The following TSSC4 variants were observed in gnomAD, a reference collection of about 807,000 sequenced individuals.
TSSC4 encodes U5 small nuclear ribonucleoprotein TSSC4.
For synonymous variants in TSSC4, 259 were observed against 197.9 expected (o/e 1.31, Z -2.59); for missense variants, 500 against 443.9 (o/e 1.13, Z -1.14).
Position 2,401,127 on chromosome 11 carries a change from C to T in TSSC4, c.-181+329C>T, listed in dbSNP as rs1477629373. On this transcript the variant is annotated intron_variant, in intron 1 of 2. Coordinates refer to ENST00000333256, the MANE Select transcript of TSSC4 (RefSeq NM_005706.4). ...GAGACGGCTTCCTTCAGCCTACGGA[C>T]ATGAAGGAGTCAACTCTACCTTCCA... 3.3e-5 allele frequency: 5 copies of T among 152,356 alleles called. No homozygotes were observed. The East Asian group carries it at 9.7e-4, about 29-fold the overall frequency. 9.4% of individuals were successfully genotyped at this position (152,356 alleles called of 1,614,324 possible).
At chr11:2,401,244 G>C (rs900547949) in intron 1 of TSSC4, 20 of 152,186 alleles carry the variant, frequency 1.3e-4, no homozygotes, top group African/African-American at 4.8e-4. Context: ...GGAGTGCCCC[G>C]CTGACCAGGC....
chr11:2,403,468 C>A lies in TSSC4; in HGVS notation c.835C>A (p.Gln279Lys). ...GTGGGGCAGCCACCATGGAGGCCTG[C>A]AGGAGGTGGAGGCACTGTCAGGGTC... ...EEWGSHHGGL[Q>K]EVEALSGSVH... Residue 279 changes from glutamine (Q) to lysine (K), a missense_variant, in exon 3 of 3, where the codon CAG (glutamine) becomes AAG (lysine). Gln to Lys is a moderately conservative substitution (Grantham distance 53, BLOSUM62 1). Coordinates refer to ENST00000333256, the MANE Select transcript of TSSC4 (RefSeq NM_005706.4). 6.3e-7 allele frequency: 1 copy of A among 1,597,520 alleles called. No homozygotes were observed. The highest frequency in any genetic ancestry group is 8.5e-7 in the Non-Finnish European group (1 of 1,171,316).
rs1438331306 is a variant in TSSC4 at position 2,403,501 on chromosome 11, A to G, written c.868A>G (p.Ser290Gly). 14 of 1,601,928 alleles carry G rather than the reference A, an allele frequency of 8.7e-6. No individual in the cohort carries two copies. Among genetic ancestry groups the G allele is most frequent in the Admixed American group, 1.7e-5 (1 of 58,496 alleles). ...GGAGGCACTGTCAGGGTCTGTCCAC[A>G]GTGGGTCTGTGCCAGGTCTCCCGCC... is the stretch of plus-strand genomic sequence containing the variant. ...EVEALSGSVH[S>G]GSVPGLPPVE... The change falls in exon 3 of 3, where the codon AGT (serine) becomes GGT (glycine). Residue 290 changes from serine to glycine, a missense_variant. Coordinates refer to ENST00000333256, the MANE Select transcript of TSSC4 (RefSeq NM_005706.4).
At position 2,403,325 on chromosome 11, in the gene TSSC4, T is replaced by C. The variant is rs1438545631; in HGVS notation, c.692T>C (p.Val231Ala). Residue 231 changes from valine to alanine, a missense_variant, in exon 3 of 3, where the codon GTC becomes GCC. Transcript: ENST00000333256. ...GVEARHERKR[V>A]LGKVGEPGRG... ...GAAGCCAGACACGAGAGGAAGAGGG[T>C]CCTGGGGAAGGTGGGAGAGCCAGGC... The C allele has an allele frequency of 3.1e-6, 5 of 1,612,138 alleles. No homozygotes were observed. Among genetic ancestry groups the C allele is most frequent in the African/African-American group, 2.7e-5 (2 of 74,932 alleles).
chr11:2,402,911 G>A lies in TSSC4; in HGVS notation c.278G>A (p.Ser93Asn). ...ATGAGCTCCACCTTCTCCCAGCGCA[G>A]CCGTGACATCTTTGACTGCCTGGAG... ...RGMSSTFSQR[S>N]RDIFDCLEGA... Residue 93 changes from serine to asparagine, a missense_variant, in exon 3 of 3, where the codon AGC (serine) becomes AAC (asparagine). Transcript: ENST00000333256. The A allele has an allele frequency of 1.2e-6, 2 of 1,612,244 alleles. No homozygotes were observed. The highest frequency in any genetic ancestry group is 1.7e-6 in the Non-Finnish European group (2 of 1,179,780).
In TSSC4 at chr11:2,403,121, C is replaced by T; in HGVS notation, c.488C>T (p.Thr163Ile). 1.9e-6 allele frequency: 3 copies of T among 1,612,664 alleles called. No homozygotes were observed. Among genetic ancestry groups the T allele is most frequent in the Non-Finnish European group, 2.5e-6 (3 of 1,179,892 alleles). Reference protein sequence around the residue: ...PDYVAHPERWTKYSLEDVTEV... With the variant: ...PDYVAHPERWIKYSLEDVTEV... Reference sequence around the variant, plus strand: ...TACGTGGCACACCCCGAGCGCTGGACCAAGTACAGCCTGGAAGATGTGACC... The same window carrying T: ...TACGTGGCACACCCCGAGCGCTGGATCAAGTACAGCCTGGAAGATGTGACC... Residue 163 changes from threonine to isoleucine, a missense_variant, in exon 3 of 3, where the codon ACC becomes ATC. Thr to Ile is a moderately conservative substitution (Grantham distance 89, BLOSUM62 -1). Transcript: ENST00000333256.
At position 2,402,989 on chromosome 11, in the gene TSSC4, A is replaced by G. The variant is rs1314774857; in HGVS notation, c.356A>G (p.Asn119Ser). 3 of 1,609,026 alleles carry G rather than the reference A, an allele frequency of 1.9e-6. No homozygotes were observed. The highest frequency in any genetic ancestry group is 2.7e-5 in the African/African-American group (2 of 74,836). Reference sequence around the variant, plus strand: ...GTGGCCCACACCAGCATGAGTGACAACGGAGGCTTCAAGCGGCCCCTAGCG... The same window carrying G: ...GTGGCCCACACCAGCATGAGTGACAGCGGAGGCTTCAAGCGGCCCCTAGCG... ...SSVAHTSMSD[N>S]GGFKRPLAPS... The change falls in exon 3 of 3, where the codon AAC becomes AGC. Residue 119 changes from asparagine (N) to serine (S), a missense_variant. Physicochemically the swap from Asn to Ser is conservative, Grantham distance 46. Transcript: ENST00000333256.
chr11:2,403,448 G>A lies in TSSC4; in HGVS notation c.815G>A (p.Gly272Asp), dbSNP rs769277141. The A allele has an allele frequency of 8.1e-6, 13 of 1,596,164 alleles. No homozygotes were observed. The Admixed American group carries it at 2.1e-4, about 25-fold the overall frequency. ...GPGSPEAEEW[G>D]SHHGGLQEVE... ...GGGAGCCCAGAGGCTGAGGAGTGGG[G>A]CAGCCACCATGGAGGCCTGCAGGAG... Residue 272 changes from glycine (G) to aspartate (D), a missense_variant, in exon 3 of 3, where the codon GGC (glycine) becomes GAC (aspartate). By Grantham distance (94) the Gly-to-Asp change is moderately conservative. Coordinates refer to ENST00000333256, the MANE Select transcript of TSSC4 (RefSeq NM_005706.4).
rs746213169 is a variant in TSSC4 at position 2,403,071 on chromosome 11, AC to A, written c.440del (p.Pro147GlnfsTer24). The A allele has an allele frequency of 6.2e-7, 1 of 1,610,906 alleles. No homozygotes were observed. Among genetic ancestry groups the A allele is most frequent in the Non-Finnish European group, 8.5e-7 (1 of 1,179,252 alleles). On this transcript the variant is annotated frameshift_variant, in exon 3 of 3. Transcript: ENST00000333256. LOFTEE classifies it low-confidence loss of function (END_TRUNC). ...GCAGGGCCCATCGGAGCCCTGCCTC[AC>A]CAAGGGTGCCTCCGGTCCCCGACTA... is the stretch of plus-strand genomic sequence containing the variant. ...LGRAHRSPAS[P>X]RVPPVPDYVA... is the part of the protein sequence containing the mutation.
intron 1 of TSSC4, chr11:2,401,215 C>G (rs1850135201): frequency 6.6e-6 from 1 of 152,186 alleles, no homozygotes; most frequent in South Asian, 2.1e-4. Context: ...ATCTTGCAGC[C>G]CGATCCCCGC....
chr11:2,403,411 C>T lies in TSSC4; in HGVS notation c.778C>T (p.Leu260=). 1 of 1,595,446 alleles carries T rather than the reference C, an allele frequency of 6.3e-7. No individual in the cohort carries two copies. Among genetic ancestry groups the T allele is most frequent in the Non-Finnish European group, 8.5e-7 (1 of 1,170,336 alleles). ...RGEGPVELAH[L]AGPGSPEAEE... ...CGAGGGCCCTGTGGAGCTGGCCCAT[C>T]TGGCCGGGCCCGGGAGCCCAGAGGC... Residue 260 remains leucine, a synonymous_variant, in exon 3 of 3, where the codon CTG becomes TTG. Transcript: ENST00000333256.
rs1390482978 is a variant in TSSC4 at position 2,402,800 on chromosome 11, G to T, written c.167G>T (p.Gly56Val). The change falls in exon 3 of 3, where the codon GGG becomes GTG. Residue 56 changes from glycine (G) to valine (V), a missense_variant. Physicochemically the swap from Gly to Val is moderately radical, Grantham distance 109. Transcript: ENST00000333256. ...GCACTGTCCCCGATGGGGCTGCCTG[G>T]GGAGGAGGATTCAGGTCCTGATGAG... Reference protein sequence around the residue: ...VEALSPMGLPGEEDSGPDEPP... With the variant: ...VEALSPMGLPVEEDSGPDEPP... The T allele has an allele frequency of 6.3e-7, 1 of 1,580,858 alleles. No individual in the cohort carries two copies. The highest frequency in any genetic ancestry group is 2.3e-5 in the East Asian group (1 of 43,208).
In TSSC4 at chr11:2,403,387, G is replaced by A. The variant is rs763461523; in HGVS notation, c.754G>A (p.Glu252Lys). ...GLGNPATDRG[E>K]GPVELAHLAG... ...TGGGAATCCTGCCACAGACAGGGGC[G>A]AGGGCCCTGTGGAGCTGGCCCATCT... The change falls in exon 3 of 3, where the codon GAG becomes AAG. Residue 252 changes from glutamate to lysine, a missense_variant. Physicochemically the swap from Glu to Lys is moderately conservative, Grantham distance 56 (BLOSUM62 1). Coordinates refer to ENST00000333256, the MANE Select transcript of TSSC4 (RefSeq NM_005706.4). 11 of 1,607,020 alleles carry A rather than the reference G, an allele frequency of 6.8e-6. No homozygotes were observed. Among genetic ancestry groups the A allele is most frequent in the African/African-American group, 2.7e-5 (2 of 74,864 alleles).
Position 2,403,449 on chromosome 11 carries a change from C to CA in TSSC4, c.817dup (p.Ser273LysfsTer56). The CA allele has an allele frequency of 1.9e-6, 3 of 1,595,678 alleles. No homozygotes were observed. The highest frequency in any genetic ancestry group is 2.6e-6 in the Non-Finnish European group (3 of 1,170,156). ...GGAGCCCAGAGGCTGAGGAGTGGGG[C>CA]AGCCACCATGGAGGCCTGCAGGAGG... On this transcript the variant is annotated frameshift_variant, in exon 3 of 3. Coordinates refer to ENST00000333256, the MANE Select transcript of TSSC4 (RefSeq NM_005706.4). LOFTEE classifies it low-confidence loss of function (END_TRUNC).
In TSSC4 at chr11:2,402,318, C is replaced by T. The variant is rs1850171036; in HGVS notation, c.-156C>T. 2.7e-6 allele frequency: 1 copy of T among 366,648 alleles called. No individual in the cohort carries two copies. Among genetic ancestry groups the T allele is most frequent in the Non-Finnish European group, 5.1e-6 (1 of 197,574 alleles). The allele number at this position is 366,648 out of a possible 1,614,324, so 22.7% of individuals were successfully genotyped here. The stretch of plus-strand genomic sequence containing the variant: ...GTTGAGCAGCTGAACAGAGGCCATG[C>T]CGGGGCACTCCGAGGCCTGAGACGA... On this transcript the variant is annotated 5_prime_UTR_variant, in exon 2 of 3. Transcript: ENST00000333256.
Position 2,403,191 on chromosome 11 carries a change from G to T in TSSC4, c.558G>T (p.Leu186=), listed in dbSNP as rs1304530119. 6.2e-7 allele frequency: 1 copy of T among 1,612,554 alleles called. No individual in the cohort carries two copies. ...ATCAGGCCACCGCCCTGGCCTTCCT[G>T]GGCTCCCAGAGCCTGGCTGCCCCCA... The part of the protein sequence containing the change: ...QSNQATALAF[L]GSQSLAAPTD... Residue 186 remains leucine (L), a synonymous_variant, in exon 3 of 3, where the codon CTG becomes CTT. Transcript: ENST00000333256.
chr11:2,402,837 C>T lies in TSSC4; in HGVS notation c.204C>T (p.Pro68=), dbSNP rs934922658. Residue 68 remains proline (P), a synonymous_variant, in exon 3 of 3, where the codon CCC becomes CCT. Transcript: ENST00000333256. ...CAGGTCCTGATGAGCCGCCCTCACC[C>T]CCGTCAGGCCTCCTCCCAGCCACGG... ...EDSGPDEPPS[P]PSGLLPATVQ... 4 of 1,602,074 alleles carry T rather than the reference C, an allele frequency of 2.5e-6. No individual in the cohort carries two copies. Among genetic ancestry groups the T allele is most frequent in the Non-Finnish European group, 3.4e-6 (4 of 1,174,338 alleles).
chr11:2,403,452 C>T lies in TSSC4; in HGVS notation c.819C>T (p.Ser273=). ...GCCCAGAGGCTGAGGAGTGGGGCAG[C>T]CACCATGGAGGCCTGCAGGAGGTGG... ...PGSPEAEEWG[S]HHGGLQEVEA... Residue 273 remains serine (S), a synonymous_variant, in exon 3 of 3, where the codon AGC becomes AGT. Coordinates refer to ENST00000333256, the MANE Select transcript of TSSC4 (RefSeq NM_005706.4). 1 of 1,596,500 alleles carries T rather than the reference C, an allele frequency of 6.3e-7. No individual in the cohort carries two copies. The highest frequency in any genetic ancestry group is 8.5e-7 in the Non-Finnish European group (1 of 1,170,626).
chr11:2,403,093 G>C lies in TSSC4; in HGVS notation c.460G>C (p.Asp154His). Residue 154 changes from aspartate (D) to histidine (H), a missense_variant, in exon 3 of 3, where the codon GAC becomes CAC. Physicochemically the swap from Asp to His is moderately conservative, Grantham distance 81 (BLOSUM62 -1). Transcript: ENST00000333256. Reference protein sequence around the residue: ...PASPRVPPVPDYVAHPERWTK... With the variant: ...PASPRVPPVPHYVAHPERWTK... ...CTCACCAAGGGTGCCTCCGGTCCCC[G>C]ACTACGTGGCACACCCCGAGCGCTG... 1.9e-6 allele frequency: 3 copies of C among 1,612,072 alleles called. No individual in the cohort carries two copies. The highest frequency in any genetic ancestry group is 2.2e-5 in the South Asian group (2 of 90,980).
Sources: gnomAD v4.1 joint callset for allele counts on GRCh38, gnomAD v4.1.1 for gene constraint, MANE v1.5 for transcripts, NCBI Gene and HGNC (gene_info 2026-07-23, HGNC 2026-07-21) for gene names.